The following CADPS variants were observed in gnomAD, a reference collection of about 807,000 sequenced individuals.
The protein encoded by CADPS is calcium-dependent secretion activator 1.
A neutral mutation model predicts 167.3 loss-of-function variants in CADPS; 57 were observed. The observed-to-expected ratio is 0.34, with a 90% CI of 0.28 to 0.42. The LOEUF is 0.42. CADPS is among the 20% of genes least tolerant of loss of function. CADPS has a pLI of 1.00. For missense variants in CADPS, 1,414 were observed against 1,738.1 expected (o/e 0.81, Z 3.32); for synonymous variants, 676 against 635.3 (o/e 1.06, Z -0.96).
rs1047310898 is a variant in CADPS, at chr3:62,601,742, A to G, written c.1326-8994T>C. ...TTAATATCAAATAATAAACATGAGT[A>G]GCAGATGATTCATATTTAGGGGGAT... is the stretch of plus-strand genomic sequence containing the variant. On this transcript the variant is annotated intron_variant, in intron 6 of 29. Transcript: ENST00000383710. The surrounding 1 kb of genome is among the most constrained non-coding windows in gnomAD (Gnocchi z 4.3). Among the ~76,000 whole-genome samples the G allele has an allele frequency of 1.3e-5, 2 of 152,258 alleles. No individual in the cohort carries two copies. The highest frequency in any genetic ancestry group is 2.1e-4 in the South Asian group (1 of 4,834).
Position 62,874,786 on chromosome 3 carries a change from T to G in CADPS, c.244A>C (p.Ser82Arg). ...GGGAGGLQPS[S>R]RAGGGRPSSP... is the part of the protein sequence containing the mutation. ...GAGGGCCGGCCGCCGCCAGCGCGGC[T>G]GCTGGGTTGCAGCCCCCCGGCCCCG... Residue 82 changes from serine to arginine, a missense_variant, in exon 1 of 30, where the codon AGC becomes CGC. Transcript: ENST00000383710. This position sits in a 1 kb window ranked among gnomAD's most constrained non-coding sequence, Gnocchi z 7.1. 1 of 1,405,650 alleles carries G rather than the reference T, an allele frequency of 7.1e-7. No homozygotes were observed. The allele number at this position is 1,405,650 out of a possible 1,614,324, so 87.1% of individuals were successfully genotyped here.
At chr3:62,454,353 C>T (rs1463318898) in intron 26 of CADPS, among the ~76,000 whole-genome samples, 2 of 152,184 alleles carry the variant, frequency 1.3e-5, no homozygotes, top group Non-Finnish European at 1.5e-5. Context: ...TTTACAGTAT[C>T]TTATTCACGT....
intron 1 of CADPS, among the ~76,000 whole-genome samples, chr3:62,801,620 TTTTAA>T (rs1410218385): frequency 3.3e-5 from 5 of 152,356 alleles, no homozygotes; most frequent in African/African-American, 4.8e-5. Flanking sequence ...TAATGTTTGA[TTTTAA>T]TTTGATATTA....
chr3:62,681,878 G>T (rs1219592875), intron 3 of CADPS, among the ~76,000 whole-genome samples: 1 of 152,048 alleles, frequency 6.6e-6, no homozygotes, highest in Admixed American at 6.6e-5. Context: ...AAAATAAAGG[G>T]TGCTGGGTGT....
intron 28 of CADPS, among the ~76,000 whole-genome samples, chr3:62,408,872 AACC>A (rs887273551): frequency 6.6e-6 from 1 of 152,208 alleles, no homozygotes; most frequent in Non-Finnish European, 1.5e-5. Context: ...AACTTACACA[AACC>A]CCTGTCAGAC....
At chr3:62,870,745 A>T (rs968794107) in intron 1 of CADPS, among the ~76,000 whole-genome samples, 8 of 152,188 alleles carry the variant, frequency 5.3e-5, no homozygotes, top group African/African-American at 1.9e-4. Flanking sequence ...CATTTAAAAA[A>T]TGGTCATGTC....
At position 62,570,901 on chromosome 3, in the gene CADPS, A is replaced by T; in HGVS notation, c.1615T>A (p.Trp539Arg). The T allele has an allele frequency of 6.2e-7, 1 of 1,610,922 alleles. No individual in the cohort carries two copies. Among genetic ancestry groups the T allele is most frequent in the Non-Finnish European group, 8.5e-7 (1 of 1,177,020 alleles). ...WAIGKNVWKR[W>R]KKRFFVLVQV... ...ACCAATACAAAAAACCTTTTCTTCCATCTCTTCCAGACATTCTTACCGATG... is the reference window on the plus strand; with the variant it reads ...ACCAATACAAAAAACCTTTTCTTCCTTCTCTTCCAGACATTCTTACCGATG... The change falls in exon 9 of 30, where the codon TGG (tryptophan) becomes AGG (arginine). Residue 539 changes from tryptophan to arginine, a missense_variant. Transcript: ENST00000383710.
At position 62,560,492 on chromosome 3, in the gene CADPS, C is replaced by A. The variant is rs184042840; in HGVS notation, c.1645-2979G>T. Among the ~76,000 whole-genome samples the A allele has an allele frequency of 7.2e-5, 11 of 152,298 alleles. No homozygotes were observed. In the South Asian group the frequency reaches 2.1e-3, roughly 29 times the overall value. On this transcript the variant is annotated intron_variant, in intron 9 of 29. Transcript: ENST00000383710. ...AAAGTCAGCCACCCTTGTCAGACAG[C>A]CTGGCCTACAACAGAAAGCATAAAA...
intron 6 of CADPS, among the ~76,000 whole-genome samples, chr3:62,623,189 T>G (rs2063454172): frequency 6.6e-6 from 1 of 152,148 alleles, no homozygotes; most frequent in Non-Finnish European, 1.5e-5. Context: ...GAGGTGAAGA[T>G]GGGCTCCTGG....
intron 6 of CADPS, chr3:62,625,464 C>G (rs2063896190): frequency 6.6e-6 from 1 of 150,650 alleles, no homozygotes; most frequent in Non-Finnish European, 1.5e-5. Flanking sequence ...CAGGACACCA[C>G]TGGAGCCGGG....
In CADPS at chr3:62,699,413, G is replaced by T. The variant is rs76372933; in HGVS notation, c.889-37019C>A. Reference sequence around the variant, plus strand: ...CTTTAAAACAAATATTGATATTTGGGTTCTCACCCCCAGAGATTCTAATCT... The same window carrying T: ...CTTTAAAACAAATATTGATATTTGGTTTCTCACCCCCAGAGATTCTAATCT... On this transcript the variant is annotated intron_variant, in intron 3 of 29. Transcript: ENST00000383710. 2.3e-3 allele frequency among the ~76,000 whole-genome samples: 355 copies of T among 152,138 alleles called. 15 individuals are homozygous for T. The East Asian group carries it at 0.054, about 23-fold the overall frequency.
intron 3 of CADPS, among the ~76,000 whole-genome samples, chr3:62,742,392 G>A (rs2152312364): frequency 6.6e-6 from 1 of 152,236 alleles, no homozygotes; most frequent in East Asian, 1.9e-4. Context: ...CAGGGCTACA[G>A]TAACCAAAAC....
At chr3:62,497,823 A>G (rs1324836795) in intron 18 of CADPS, among the ~76,000 whole-genome samples, 1 of 152,216 alleles carries the variant, frequency 6.6e-6, no homozygotes, top group Admixed American at 6.5e-5. Flanking sequence ...GCTGTAATAA[A>G]GGTAAGTACA....
intron 28 of CADPS, among the ~76,000 whole-genome samples, chr3:62,428,458 A>C (rs546626512): frequency 5.3e-4 from 81 of 151,970 alleles, no homozygotes; most frequent in African/African-American, 1.9e-3. Flanking sequence ...AAGTGGGACT[A>C]CTCTGGATAC....
intron 1 of CADPS, among the ~76,000 whole-genome samples, chr3:62,805,659 A>G (rs2094046388): frequency 1.3e-5 from 2 of 151,996 alleles, no homozygotes; most frequent in African/African-American, 4.8e-5. Context: ...GCCTAATCTC[A>G]TTTTACTTCC....
chr3:62,606,853 G>GAGT (rs1299023269), intron 6 of CADPS, among the ~76,000 whole-genome samples: 1 of 152,170 alleles, frequency 6.6e-6, no homozygotes, highest in East Asian at 1.9e-4. Flanking sequence ...GAACTATGTG[G>GAGT]AGTAGACCTA....
chr3:62,797,889 G>C (rs2093535350), intron 1 of CADPS, among the ~76,000 whole-genome samples: 1 of 152,082 alleles, frequency 6.6e-6, no homozygotes, highest in Non-Finnish European at 1.5e-5. Context: ...TTTTGAGACT[G>C]AAAAATGTAA....
chr3:62,735,669 C>T (rs962204664), intron 3 of CADPS, among the ~76,000 whole-genome samples: 2 of 152,138 alleles, frequency 1.3e-5, no homozygotes, highest in South Asian at 2.1e-4. Context: ...TAAAGAAATG[C>T]GGTCATGTGA....
At chr3:62,858,709 A>G (rs1038487778) in intron 1 of CADPS, among the ~76,000 whole-genome samples, 1 of 152,214 alleles carries the variant, frequency 6.6e-6, no homozygotes, top group African/African-American at 2.4e-5. Context: ...CACACTGCGT[A>G]AATTTGTAGT....
Sources: gnomAD v4.1 joint callset for allele counts (sites outside exome capture counted in the v4.1 genomes callset) on GRCh38, gnomAD v4.1.1 for gene constraint, Gnocchi (gnomAD v3.1) non-coding constraint, MANE v1.5 for transcripts, NCBI Gene and HGNC (gene_info 2026-07-23, HGNC 2026-07-21) for gene names.